The following ADH6 variants were observed in gnomAD, a reference collection of about 807,000 sequenced individuals.
The protein encoded by ADH6 is alcohol dehydrogenase 6.
In ADH6, 34 loss-of-function variants were observed where a neutral mutation model predicts 36.5. The observed-to-expected ratio is 0.93, with a 90% CI of 0.71 to 1.24. ADH6 has a LOEUF of 1.24. Among genes scored for constraint, ADH6 ranks in the 50% most tolerant of loss-of-function variants. The probability of loss-of-function intolerance (pLI) is 0.00; values close to 1 mark genes in which losing one functional copy is unlikely to be tolerated. For missense variants in ADH6, 440 were observed against 447.0 expected (o/e 0.98, Z 0.14); for synonymous variants, 161 against 155.5 (o/e 1.04, Z -0.26).
intron 8 of ADH6, chr4:99,204,592 T>C: frequency 8.5e-7 from 1 of 1,178,446 alleles, no homozygotes; most frequent in Non-Finnish European, 1.0e-6. Context: ...ATTTGTGAAC[T>C]ACCTTCTTAT....
rs773556008 is a variant in ADH6, at chr4:99,219,157, A to AT, written c.-6dup. ...TACTTGGCCTGTAGTACTCATGCTG[A>AT]TTTTCTCCACCGCAGATGAATTTAT... On this transcript the variant is annotated 5_prime_UTR_variant, in exon 1 of 9. Coordinates refer to ENST00000394899, the MANE Select transcript of ADH6 (RefSeq NM_001102470.2). The AT allele has an allele frequency of 6.2e-7, 1 of 1,611,076 alleles. No individual in the cohort carries two copies. The highest frequency in any genetic ancestry group is 1.7e-5 in the Admixed American group (1 of 59,990).
In ADH6 at chr4:99,208,727, C is replaced by G. The variant is rs1731122959; in HGVS notation, c.769G>C (p.Asp257His). 1 of 1,613,824 alleles carries G rather than the reference C, an allele frequency of 6.2e-7. No individual in the cohort carries two copies. Among genetic ancestry groups the G allele is most frequent in the South Asian group, 1.1e-5 (1 of 91,074 alleles). ...AAGTCTATACCAGCATCTGTCATAT[C>G]AAATAAAACTTCTTGAATGGGTTTC... ...LKKPIQEVLF[D>H]MTDAGIDFCF... The change falls in exon 6 of 9, where the codon GAT becomes CAT. Residue 257 changes from aspartate to histidine, a missense_variant. Physicochemically the swap from Asp to His is moderately conservative, Grantham distance 81. Coordinates refer to ENST00000394899, the MANE Select transcript of ADH6 (RefSeq NM_001102470.2).
rs1314293931 is a variant in ADH6 at position 99,203,055 on chromosome 4, G to A, written c.*1164C>T. The A allele has an allele frequency of 1.3e-5, 5 of 372,906 alleles. No individual in the cohort carries two copies. Among genetic ancestry groups the A allele is most frequent in the Non-Finnish European group, 2.4e-5 (5 of 210,058 alleles). 23.1% of individuals were successfully genotyped at this position (372,906 alleles called of 1,614,324 possible). A position where few individuals can be genotyped will look rare whatever the true frequency, so the allele number is the denominator to read the frequency against. ...ACTGAGGGTGCAGCCCACCTTCCTG[G>A]CCAGTGTTAAATCAGGAAACTATTT... is the stretch of plus-strand genomic sequence containing the variant. On this transcript the variant is annotated 3_prime_UTR_variant, in exon 9 of 9. Coordinates refer to ENST00000394899, the MANE Select transcript of ADH6 (RefSeq NM_001102470.2).
chr4:99,207,434 C>T lies in ADH6; in HGVS notation c.964+12G>A. On this transcript the variant is annotated intron_variant, in intron 7 of 8. Transcript: ENST00000394899. ...CCTCAGGCATTTCCACCTTTCCCTGCTTCATCCATACCTCCAAAAACAGAA... is the reference window on the plus strand; with the variant it reads ...CCTCAGGCATTTCCACCTTTCCCTGTTTCATCCATACCTCCAAAAACAGAA... The T allele has an allele frequency of 6.2e-7, 1 of 1,612,854 alleles. No homozygotes were observed. The highest frequency in any genetic ancestry group is 8.5e-7 in the Non-Finnish European group (1 of 1,179,152).
rs1170549203 is a variant in ADH6 at position 99,203,027 on chromosome 4, G to C, written c.*1192C>G. 1.6e-5 allele frequency: 6 copies of C among 386,120 alleles called. No individual in the cohort carries two copies. Among genetic ancestry groups the C allele is most frequent in the Non-Finnish European group, 2.3e-5 (5 of 218,506 alleles). 23.9% of individuals were successfully genotyped at this position (386,120 alleles called of 1,614,324 possible). ...CATGTGAAAACCATGATGGGAGAGAGAGACTGAGGGTGCAGCCCACCTTCC... is the reference window on the plus strand; with the variant it reads ...CATGTGAAAACCATGATGGGAGAGACAGACTGAGGGTGCAGCCCACCTTCC... On this transcript the variant is annotated 3_prime_UTR_variant, in exon 9 of 9. Transcript: ENST00000394899.
rs541657822 is a variant in ADH6, at chr4:99,204,983, GAGTAATT to G, written c.1038_1044del (p.Thr348LeufsTer2). On this transcript the variant is annotated frameshift_variant, in exon 8 of 9. Coordinates refer to ENST00000394899, the MANE Select transcript of ADH6 (RefSeq NM_001102470.2). LOFTEE classifies it high-confidence loss of function. Reference sequence around the variant, plus strand: ...TTGATTTTATCAAGATTCAGAGTATGAGTAATTAGTGGATCTAGATTCAACTTCTCTG... The same window carrying G: ...TTGATTTTATCAAGATTCAGAGTATGAGTGGATCTAGATTCAACTTCTCTG... 281 of 1,610,002 alleles carry G rather than the reference GAGTAATT, an allele frequency of 1.7e-4. 1 individual carries two copies. In the African/African-American group the frequency reaches 3.3e-3, roughly 19 times the overall value.
chr4:99,212,674 G>A (rs1167410039), intron 3 of ADH6, among the ~76,000 whole-genome samples: 3 of 151,456 alleles, frequency 2.0e-5, no homozygotes, highest in Non-Finnish European at 4.4e-5. Flanking sequence ...TTTTTAATAT[G>A]TCTGAGGTTG....
intron 5 of ADH6, among the ~76,000 whole-genome samples, chr4:99,209,526 T>A (rs1384838116): frequency 1.3e-5 from 2 of 152,130 alleles, no homozygotes; most frequent in African/African-American, 4.8e-5. Context: ...GTTTGAGTGA[T>A]GTTTTAGAAA....
intron 8 of ADH6, chr4:99,204,670 A>G (rs1365490811): frequency 5.0e-6 from 6 of 1,209,076 alleles, no homozygotes; most frequent in African/African-American, 1.6e-5. Flanking sequence ...AAAAAAATCC[A>G]TATTGGAAAT....
chr4:99,209,340 T>C (rs1219916100), intron 5 of ADH6, among the ~76,000 whole-genome samples: 5 of 152,106 alleles, frequency 3.3e-5, no homozygotes, highest in Non-Finnish European at 5.9e-5. Context: ...TCATAACTTA[T>C]CGGGTCAATA....
intron 7 of ADH6, among the ~76,000 whole-genome samples, chr4:99,207,201 A>G (rs1410882839): frequency 6.6e-6 from 1 of 151,966 alleles, no homozygotes; most frequent in Non-Finnish European, 1.5e-5. Context: ...TAAATGTTGG[A>G]CACTGGATTC....
rs563664971 is a variant in ADH6 at position 99,204,450 on chromosome 4, G to T, written c.1104-207C>A. On this transcript the variant is annotated intron_variant, in intron 8 of 8. Coordinates refer to ENST00000394899, the MANE Select transcript of ADH6 (RefSeq NM_001102470.2). Reference sequence around the variant, plus strand: ...AAAGTAGGTAAGCAAGCTTATACTCGTGTGGGGAATGCCAGTTTCTGGGTT... The same window carrying T: ...AAAGTAGGTAAGCAAGCTTATACTCTTGTGGGGAATGCCAGTTTCTGGGTT... 10 of 1,363,438 alleles carry T rather than the reference G, an allele frequency of 7.3e-6. No homozygotes were observed. The South Asian group carries it at 1.7e-4, about 23-fold the overall frequency. The allele number at this position is 1,363,438 out of a possible 1,614,324, so 84.5% of individuals were successfully genotyped here.
chr4:99,210,584 G>T, intron 3 of ADH6, 82 bp from the exon 4 acceptor site: 1 of 1,093,638 alleles, frequency 9.1e-7, no homozygotes, highest in Non-Finnish European at 1.4e-6. Context: ...TTGACAGCAA[G>T]GCACCCAAGA....
intron 3 of ADH6, among the ~76,000 whole-genome samples, chr4:99,210,920 T>A (rs777061247): frequency 6.6e-6 from 1 of 152,118 alleles, no homozygotes; most frequent in Non-Finnish European, 1.5e-5. Flanking sequence ...AGAAAAAAAA[T>A]TGCTTCTATG....
chr4:99,207,613 G>A (rs751221339), intron 6 of ADH6, 32 bp from the exon 7 acceptor site: 9 of 1,600,510 alleles, frequency 5.6e-6, no homozygotes, highest in Admixed American at 5.1e-5. Context: ...CAGTATAGGG[G>A]TTAAAAGATG....
chr4:99,205,172 C>T, intron 7 of ADH6, 109 bp from the exon 8 acceptor site: 2 of 1,239,970 alleles, frequency 1.6e-6, no homozygotes, highest in Non-Finnish European at 1.1e-6. Context: ...AAATCTAAGC[C>T]TGTCCCGTTT....
chr4:99,206,124 T>C (rs941977690), intron 7 of ADH6, among the ~76,000 whole-genome samples: 4 of 152,060 alleles, frequency 2.6e-5, no homozygotes. Context: ...CCAAATGACA[T>C]AGGAAAGAAA....
At chr4:99,213,270 TTTGA>T (rs1388601483) in intron 3 of ADH6, among the ~76,000 whole-genome samples, 6 of 152,102 alleles carry the variant, frequency 3.9e-5, no homozygotes, top group African/African-American at 7.3e-5. Flanking sequence ...CACTAATGTG[TTTGA>T]TTATTTATCA....
chr4:99,216,304 G>GCTTCT (rs2110557034), intron 1 of ADH6, 42 bp from the exon 2 acceptor site: 2 of 1,347,348 alleles, frequency 1.5e-6, no homozygotes, highest in African/African-American at 1.5e-5. Flanking sequence ...AGCTCCTTAA[G>GCTTCT]CTTGGGAGTT....
Sources: allele counts gnomAD v4.1 joint callset (sites outside exome capture counted in the v4.1 genomes callset), GRCh38; gene constraint gnomAD v4.1.1; transcripts MANE v1.5; gene names NCBI Gene and HGNC (gene_info 2026-07-23, HGNC 2026-07-21).